GAB2: variants seen among roughly 807,000 people sequenced by gnomAD.
GAB2 encodes GRB2 associated binding protein 2.
GAB2 carries 26 observed loss-of-function variants against 65.5 expected under a neutral mutation model. The ratio of observed to expected loss-of-function variants is 0.40; its 90% CI spans 0.29 to 0.55. GAB2 has a LOEUF of 0.55. GAB2 is among the 20% of genes least tolerant of loss of function. The pLI is 0.53. For synonymous variants in GAB2, 321 were observed against 329.6 expected (o/e 0.97, Z 0.28); for missense variants, 884 against 875.8 (o/e 1.01, Z -0.12).
chr11:78,360,001 T>C (rs1352208333), intron 1 of GAB2, among the ~76,000 whole-genome samples: 3 of 152,082 alleles, frequency 2.0e-5, no homozygotes, highest in Non-Finnish European at 4.4e-5. Flanking sequence ...TATGTATCCA[T>C]ATAAGACAGA....
At chr11:78,362,539 C>A (rs368341765) in intron 1 of GAB2, among the ~76,000 whole-genome samples, 1 of 151,990 alleles carries the variant, frequency 6.6e-6, no homozygotes, top group Admixed American at 6.6e-5. Context: ...CAACACTACA[C>A]GGTTGCAACA....
intron 1 of GAB2, among the ~76,000 whole-genome samples, chr11:78,368,282 T>C (rs1202159779): frequency 6.6e-6 from 1 of 152,214 alleles, no homozygotes; most frequent in African/African-American, 2.4e-5. Flanking sequence ...CCTTGATGGT[T>C]TGATTATTCA....
rs1864065087 is a variant in GAB2, at chr11:78,215,306, T to TTCTAGTGGACTTTATTG, written c.*3949_*3965dup. 6.6e-6 allele frequency: 1 copy of TTCTAGTGGACTTTATTG among 152,548 alleles called. No homozygotes were observed. The highest frequency in any genetic ancestry group is 2.4e-5 in the African/African-American group (1 of 41,422). The allele number at this position is 152,548 out of a possible 1,614,324, so 9.4% of individuals were successfully genotyped here. A position where few individuals can be genotyped will look rare whatever the true frequency, so the allele number is the denominator to read the frequency against. ...CACGGCAGCTGGTTCTGGGGTGCAT[T>TTCTAGTGGACTTTATTG]TCTAGTGGACTTTATTGTCCTGCTC... is the stretch of plus-strand genomic sequence containing the variant. On this transcript the variant is annotated 3_prime_UTR_variant, in exon 10 of 10. Coordinates refer to ENST00000361507, the MANE Select transcript of GAB2 (RefSeq NM_080491.3).
At chr11:78,236,216 A>G (rs1864976060) in intron 3 of GAB2, among the ~76,000 whole-genome samples, 1 of 152,210 alleles carries the variant, frequency 6.6e-6, no homozygotes, top group African/African-American at 2.4e-5. Context: ...TCGATATATA[A>G]TTAAAATTTT....
intron 1 of GAB2, among the ~76,000 whole-genome samples, chr11:78,309,351 C>T (rs1855438678): frequency 6.6e-6 from 1 of 152,082 alleles, no homozygotes; most frequent in African/African-American, 2.4e-5. Context: ...ATTTTCATCA[C>T]CCAAAAAGAA....
At chr11:78,354,925 G>T (rs1856335080) in intron 1 of GAB2, among the ~76,000 whole-genome samples, 1 of 152,214 alleles carries the variant, frequency 6.6e-6, no homozygotes, top group East Asian at 1.9e-4. Context: ...CGGTGCAAGT[G>T]AAACAGCCTG....
At chr11:78,325,689 G>A (rs1452950229) in intron 1 of GAB2, among the ~76,000 whole-genome samples, 2 of 152,112 alleles carry the variant, frequency 1.3e-5, no homozygotes, top group Admixed American at 6.5e-5. Flanking sequence ...TACTACCCAC[G>A]TAAAGTGTGG....
intron 1 of GAB2, among the ~76,000 whole-genome samples, chr11:78,312,954 A>G (rs539794553): frequency 1.3e-3 from 199 of 152,056 alleles, no homozygotes; most frequent in Admixed American, 3.4e-3. Flanking sequence ...ACTAAAAAAT[A>G]TGTGTTTGTG....
chr11:78,220,371 A>G lies in GAB2; in HGVS notation c.1835T>C (p.Val612Ala). The G allele has an allele frequency of 6.2e-7, 1 of 1,613,040 alleles. No homozygotes were observed. Among genetic ancestry groups the G allele is most frequent in the Non-Finnish European group, 8.5e-7 (1 of 1,179,392 alleles). The change falls in exon 9 of 10, where the codon GTT (valine) becomes GCT (alanine). Residue 612 changes from valine (V) to alanine (A), a missense_variant. By Grantham distance (64) the Val-to-Ala change is moderately conservative. Transcript: ENST00000361507. The stretch of plus-strand genomic sequence containing the variant: ...CTGGAAGTCCAGGGCCAGATAATCA[A>G]CGCTGCCGGTGCTCTTCTTAGGGGC... Reference protein sequence around the residue: ...SPAPKKSTGSVDYLALDFQPS... With the variant: ...SPAPKKSTGSADYLALDFQPS...
intron 1 of GAB2, among the ~76,000 whole-genome samples, chr11:78,300,516 T>TAAAAAAAAAAAAAAAAA (rs138790128): frequency 6.3e-5 from 9 of 142,844 alleles, no homozygotes; most frequent in East Asian, 2.2e-4. Context: ...TTTAATTTTA[T>TAAAAAAAAAAAAAAAAA]AAAAAAACAA....
At chr11:78,238,543 A>C (rs1865050340) in intron 3 of GAB2, among the ~76,000 whole-genome samples, 1 of 151,904 alleles carries the variant, frequency 6.6e-6, no homozygotes, top group Admixed American at 6.6e-5. Flanking sequence ...AGATTAAAAA[A>C]AAAAAAGCAA....
chr11:78,269,030 T>C (rs1030039982), intron 2 of GAB2, among the ~76,000 whole-genome samples: 2 of 143,918 alleles, frequency 1.4e-5, no homozygotes, highest in Admixed American at 1.4e-4. Context: ...AATAACCTTT[T>C]TTTCTTTCTT....
At chr11:78,344,821 A>G (rs1029701592) in intron 1 of GAB2, among the ~76,000 whole-genome samples, 1 of 152,218 alleles carries the variant, frequency 6.6e-6, no homozygotes, top group Non-Finnish European at 1.5e-5. Context: ...TAAAGGCTTT[A>G]ATGATTCAAC....
chr11:78,367,987 T>G (rs1856520361), intron 1 of GAB2, among the ~76,000 whole-genome samples: 1 of 152,086 alleles, frequency 6.6e-6, no homozygotes, highest in South Asian at 2.1e-4. Context: ...CGGCTAATTT[T>G]TTGTATTTTT....
At chr11:78,322,292 C>G (rs1459733664) in intron 1 of GAB2, among the ~76,000 whole-genome samples, 24 of 65,222 alleles carry the variant, frequency 3.7e-4, no homozygotes, top group Non-Finnish European at 4.7e-4. Flanking sequence ...GAGGGAGACT[C>G]TGTCTCAAAA....
At chr11:78,317,699 T>G (rs1447688977) in intron 1 of GAB2, among the ~76,000 whole-genome samples, 1 of 152,156 alleles carries the variant, frequency 6.6e-6, no homozygotes, top group Non-Finnish European at 1.5e-5. Context: ...CAACGAATCT[T>G]TGCTCCTTCC....
In GAB2 at chr11:78,223,393, G is replaced by C. The variant is rs1349017011; in HGVS notation, c.1567+19C>G. 4 of 1,503,398 alleles carry C rather than the reference G, an allele frequency of 2.7e-6. No homozygotes were observed. Among genetic ancestry groups the C allele is most frequent in the Non-Finnish European group, 3.6e-6 (4 of 1,124,168 alleles). 93.1% of individuals were successfully genotyped at this position (1,503,398 alleles called of 1,614,324 possible). A position where few individuals can be genotyped will look rare whatever the true frequency, so the allele number is the denominator to read the frequency against. On this transcript the variant is annotated intron_variant, in intron 6 of 9. Transcript: ENST00000361507. ...CTAGCCACTGTCCAGAGATGGGACA[G>C]GGGAAAGAATGGACTTACCTTTCCG...
intron 1 of GAB2, among the ~76,000 whole-genome samples, chr11:78,345,777 A>T (rs529831094): frequency 5.6e-4 from 86 of 152,318 alleles, no homozygotes; most frequent in African/African-American, 2.0e-3. Flanking sequence ...ATTCTCATGG[A>T]ACAGAGGAAA....
chr11:78,411,321 G>C (rs375710947), intron 1 of GAB2, among the ~76,000 whole-genome samples: 1 of 152,114 alleles, frequency 6.6e-6, no homozygotes, highest in Non-Finnish European at 1.5e-5. Context: ...TAAAATCTCA[G>C]CAAGACTTTC....
Sources: gnomAD v4.1 joint callset for allele counts (sites outside exome capture counted in the v4.1 genomes callset) on GRCh38, gnomAD v4.1.1 for gene constraint, MANE v1.5 for transcripts, NCBI Gene and HGNC (gene_info 2026-07-23, HGNC 2026-07-21) for gene names.